The following GDA variants were observed in gnomAD, a reference collection of about 807,000 sequenced individuals.
The protein encoded by GDA is cytoplasmic PSD-95 interactor.
A neutral mutation model predicts 59.6 loss-of-function variants in GDA; 18 were observed. That is an observed-to-expected ratio of 0.30 (90% CI 0.21 to 0.45). The LOEUF is 0.45. GDA is among the 20% of genes least tolerant of loss of function. The probability of loss-of-function intolerance (pLI) is 1.00; values close to 1 mark genes in which losing one functional copy is unlikely to be tolerated. For synonymous variants in GDA, 201 were observed against 201.1 expected (o/e 1.00, Z 0.00); for missense variants, 427 against 552.3 (o/e 0.77, Z 2.27).
chr9:72,149,297 G>A (rs1826841088), upstream of GDA: 1 of 499,240 alleles, frequency 2.0e-6, no homozygotes, highest in Non-Finnish European at 3.5e-6. Context: ...CAAAACTAAC[G>A]CAAGGGTGGA....
upstream of GDA, among the ~76,000 whole-genome samples, chr9:72,145,779 T>C (rs560122714): frequency 1.3e-5 from 2 of 152,346 alleles, no homozygotes; most frequent in African/African-American, 4.8e-5. Flanking sequence ...TCTCATAAAA[T>C]GTTGGAAAAC....
downstream of GDA, among the ~76,000 whole-genome samples, chr9:72,255,134 A>T (rs1292483627): frequency 6.6e-6 from 1 of 152,222 alleles, no homozygotes; most frequent in Non-Finnish European, 1.5e-5. Context: ...GGGCTAACTC[A>T]TAGGCAGTGC....
intron 11 of GDA, among the ~76,000 whole-genome samples, chr9:72,242,323 CTCA>C (rs1839705772): frequency 6.6e-6 from 1 of 152,174 alleles, no homozygotes; most frequent in African/African-American, 2.4e-5. Flanking sequence ...GCAAATATTG[CTCA>C]TCAACTTTTC....
At chr9:72,242,347 C>T (rs746770605) in intron 11 of GDA, among the ~76,000 whole-genome samples, 1 of 152,294 alleles carries the variant, frequency 6.6e-6, no homozygotes, top group Non-Finnish European at 1.5e-5. Context: ...CCAATTCTCA[C>T]GTGTAACTGT....
intron 7 of GDA, among the ~76,000 whole-genome samples, chr9:72,224,553 A>AT (rs1837304764): frequency 6.6e-6 from 1 of 152,030 alleles, no homozygotes; most frequent in Non-Finnish European, 1.5e-5. Context: ...TTTTGCTTGC[A>AT]TGTGGATTCT....
Position 72,250,456 on chromosome 9 carries a change from G to C in GDA, c.*2114G>C, listed in dbSNP as rs1344482590. The C allele has an allele frequency of 1.6e-6, 2 of 1,288,372 alleles. No homozygotes were observed. Among genetic ancestry groups the C allele is most frequent in the Non-Finnish European group, 2.0e-6 (2 of 1,012,054 alleles). The allele number at this position is 1,288,372 out of a possible 1,614,324, so 79.8% of individuals were successfully genotyped here. A position where few individuals can be genotyped will look rare whatever the true frequency, so the allele number is the denominator to read the frequency against. On this transcript the variant is annotated 3_prime_UTR_variant, in exon 14 of 14. Transcript: ENST00000358399. ...AAATTTAGCTCTGATAGTGTGTTAA[G>C]ACCTGAATATCTTTCCTAGTAAAAA...
chr9:72,129,814 G>A (rs184164602), intron 1 of GDA, among the ~76,000 whole-genome samples: 1 of 152,110 alleles, frequency 6.6e-6, no homozygotes, highest in Non-Finnish European at 1.5e-5. Flanking sequence ...TAACCAGAGG[G>A]TTGCTTGGTA....
At chr9:72,164,789 C>G (rs553380077) in intron 1 of GDA, among the ~76,000 whole-genome samples, 38 of 151,574 alleles carry the variant, frequency 2.5e-4, no homozygotes, top group African/African-American at 9.2e-4. Flanking sequence ...CGAGACCATC[C>G]TGGCTAACAT....
rs1024919293 is a variant in GDA at position 72,222,763 on chromosome 9, A to G, written c.607-357A>G. Among the ~76,000 whole-genome samples the G allele has an allele frequency of 3.3e-5, 5 of 151,850 alleles. No homozygotes were observed. In the South Asian group the frequency reaches 8.3e-4, roughly 25 times the overall value. ...CTTTTGTTGTCTAGACTGGAGTGCAATGGTGAGATCTCGGCTCACCACAAC... is the reference window on the plus strand; with the variant it reads ...CTTTTGTTGTCTAGACTGGAGTGCAGTGGTGAGATCTCGGCTCACCACAAC... On this transcript the variant is annotated intron_variant, in intron 6 of 13. Transcript: ENST00000358399.
chr9:72,195,151 T>C (rs1394030041), intron 1 of GDA, among the ~76,000 whole-genome samples: 1 of 152,198 alleles, frequency 6.6e-6, no homozygotes, highest in African/African-American at 2.4e-5. Flanking sequence ...GTTGTCAAAT[T>C]GGTGTCCTTG....
At chr9:72,212,656 G>A (rs1835528672) in intron 4 of GDA, among the ~76,000 whole-genome samples, 1 of 152,072 alleles carries the variant, frequency 6.6e-6, no homozygotes, top group South Asian at 2.1e-4. Context: ...AGAGGAATAA[G>A]GAATCAGTCC....
rs1835245465 is a variant in GDA, at chr9:72,210,708, A to G, written c.406A>G (p.Thr136Ala). The change falls in exon 4 of 14, where the codon ACA becomes GCA. Residue 136 changes from threonine to alanine, a missense_variant. Physicochemically the swap from Thr to Ala is moderately conservative, Grantham distance 58. Transcript: ENST00000358399. The stretch of plus-strand genomic sequence containing the variant: ...TTAGAGGAGAACACTAAAGAATGGA[A>G]CAACCACAGCTTGTTACTTTGCAAC... Reference protein sequence around the residue: ...RVVRRTLKNGTTTACYFATIH... With the variant: ...RVVRRTLKNGATTACYFATIH... 1 of 1,608,620 alleles carries G rather than the reference A, an allele frequency of 6.2e-7. No individual in the cohort carries two copies. The highest frequency in any genetic ancestry group is 1.1e-5 in the South Asian group (1 of 90,970).
rs1229262056 is a variant in GDA at position 72,248,199 on chromosome 9, C to A, written c.1295-73C>A. 52 of 1,007,278 alleles carry A rather than the reference C, an allele frequency of 5.2e-5. No homozygotes were observed. In the East Asian group the frequency reaches 1.1e-3, roughly 21 times the overall value. 62.4% of individuals were successfully genotyped at this position (1,007,278 alleles called of 1,614,324 possible). ...TCCTAGAAGTATCTTTAAAAAAAAT[C>A]TCTCCCAATGGCAAGGAAGATACTT... On this transcript the variant is annotated intron_variant, in intron 13 of 13. Transcript: ENST00000358399.
At chr9:72,159,947 A>G (rs969505420) in intron 1 of GDA, among the ~76,000 whole-genome samples, 11 of 152,188 alleles carry the variant, frequency 7.2e-5, no homozygotes, top group Non-Finnish European at 1.6e-4. Context: ...ATTCAGTGGC[A>G]TTTATTGTAT....
chr9:72,256,133 A>T (rs1840876706), downstream of GDA, among the ~76,000 whole-genome samples: 1 of 152,214 alleles, frequency 6.6e-6, no homozygotes, highest in Non-Finnish European at 1.5e-5. Context: ...TCATACTTAA[A>T]AAAGGTTAAT....
downstream of GDA, among the ~76,000 whole-genome samples, chr9:72,255,007 A>C (rs1199253743): frequency 6.6e-6 from 1 of 152,242 alleles, no homozygotes; most frequent in East Asian, 1.9e-4. Flanking sequence ...TTAATTTATC[A>C]AAGTATTGCA....
chr9:72,123,049 A>G (rs915860465), intron 1 of GDA, among the ~76,000 whole-genome samples: 5 of 152,154 alleles, frequency 3.3e-5, no homozygotes, highest in African/African-American at 1.2e-4. Context: ...CCAAAGCAGT[A>G]TTTATAAATT....
upstream of GDA, among the ~76,000 whole-genome samples, chr9:72,147,931 CTG>C (rs1192333765): frequency 1.3e-5 from 2 of 152,168 alleles, no homozygotes; most frequent in African/African-American, 4.8e-5. Context: ...GATCAACCAT[CTG>C]TGTGCATGGT....
At chr9:72,231,447 C>T (rs1838339567) in intron 10 of GDA, among the ~76,000 whole-genome samples, 1 of 151,836 alleles carries the variant, frequency 6.6e-6, no homozygotes, top group South Asian at 2.1e-4. Flanking sequence ...CGCCTGTAGT[C>T]TCAGCTACTC....
Sources: gnomAD v4.1 joint callset for allele counts (sites outside exome capture counted in the v4.1 genomes callset) on GRCh38, gnomAD v4.1.1 for gene constraint, MANE v1.5 for transcripts, NCBI Gene and HGNC (gene_info 2026-07-23, HGNC 2026-07-21) for gene names.